Variants in TMTC1 observed in about 807,000 individuals in gnomAD.
The protein encoded by TMTC1 is protein O-mannosyl-transferase TMTC1.
TMTC1 carries 73 observed loss-of-function variants against 104.8 expected under a neutral mutation model. That is an observed-to-expected ratio of 0.70 (90% confidence interval 0.58 to 0.85). TMTC1 has a LOEUF of 0.85. TMTC1 is among the 40% of genes least tolerant of loss of function. The probability of loss-of-function intolerance (pLI) is 0.00; values close to 1 mark genes in which losing one functional copy is unlikely to be tolerated. For missense variants in TMTC1, 1,035 were observed against 1,096.1 expected, an observed-to-expected ratio of 0.94 and a Z score of 0.79; for synonymous variants, 434 against 428.7, an observed-to-expected ratio of 1.01 and a Z score of -0.15.
At chr12:29,626,031 A>T (rs7135441) in intron 6 of TMTC1, among the ~76,000 whole-genome samples, 35,541 of 152,230 alleles carry the variant, frequency 0.23, 5,071 homozygotes, top group Admixed American at 0.39. Context: ...ACAAGAAAAG[A>T]TTCTCTAGAC....
At chr12:29,590,308 CTGAT>C (rs1350754407) in intron 7 of TMTC1, among the ~76,000 whole-genome samples, 1 of 152,184 alleles carries the variant, frequency 6.6e-6, no homozygotes, top group African/African-American at 2.4e-5. Flanking sequence ...TCTTTTGAAA[CTGAT>C]TGTTATTGCC....
At chr12:29,767,338 A>G (rs901988288) in intron 2 of TMTC1, among the ~76,000 whole-genome samples, 1 of 152,216 alleles carries the variant, frequency 6.6e-6, no homozygotes, top group African/African-American at 2.4e-5. Flanking sequence ...TAAGGCTCCT[A>G]AGTCTGTCTT....
chr12:29,540,712 C>T (rs1944772132), intron 10 of TMTC1, among the ~76,000 whole-genome samples: 2 of 151,850 alleles, frequency 1.3e-5, no homozygotes. Context: ...TAGTTTTGGC[C>T]AGGCATCGTG....
chr12:29,764,083 T>C (rs1943410989), intron 2 of TMTC1, among the ~76,000 whole-genome samples: 2 of 152,228 alleles, frequency 1.3e-5, no homozygotes, highest in Non-Finnish European at 2.9e-5. Flanking sequence ...TATTTTAGCC[T>C]CAAACTACAG....
chr12:29,593,942 G>A (rs75980269), intron 7 of TMTC1, among the ~76,000 whole-genome samples: 7,167 of 152,218 alleles, frequency 0.047, 574 homozygotes, highest in African/African-American at 0.16. Flanking sequence ...GTGAGAAACT[G>A]ACATGGAAAC....
At chr12:29,756,764 A>T (rs1357698661) in intron 3 of TMTC1, among the ~76,000 whole-genome samples, 3 of 152,312 alleles carry the variant, frequency 2.0e-5, no homozygotes, top group Non-Finnish European at 4.4e-5. Context: ...ATGTTTCTGT[A>T]GTTGAGACAC....
At chr12:29,529,812 C>T (rs1455610902) in intron 11 of TMTC1, 4 of 152,154 alleles carry the variant, frequency 2.6e-5, no homozygotes, top group South Asian at 4.1e-4. Flanking sequence ...TGGCATTCTT[C>T]CCCACCAAGG....
At chr12:29,530,441 T>G (rs1454597127) in intron 11 of TMTC1, among the ~76,000 whole-genome samples, 2 of 152,196 alleles carry the variant, frequency 1.3e-5, no homozygotes, top group East Asian at 3.9e-4. Flanking sequence ...AACCATGGAC[T>G]GTGGACTGCT....
intron 7 of TMTC1, among the ~76,000 whole-genome samples, chr12:29,599,991 T>TAC (rs1946516797): frequency 1.0e-5 from 1 of 100,110 alleles, no homozygotes. Flanking sequence ...TGTGTGTATA[T>TAC]ACATATATAT....
intron 8 of TMTC1, among the ~76,000 whole-genome samples, chr12:29,580,703 C>A (rs748650481): frequency 6.6e-6 from 1 of 152,154 alleles, no homozygotes; most frequent in Non-Finnish European, 1.5e-5. Flanking sequence ...TGGGCCATTA[C>A]GGCTAATTTA....
intron 5 of TMTC1, among the ~76,000 whole-genome samples, chr12:29,735,979 G>A (rs1290028427): frequency 2.0e-5 from 3 of 152,190 alleles, no homozygotes; most frequent in African/African-American, 7.2e-5. Context: ...TGTAGGTTGA[G>A]GAGATTAAGA....
Position 29,503,665 on chromosome 12 carries a change from G to T in TMTC1, c.*3181C>A, listed in dbSNP as rs1172487708. ...TCATAAAATGAAACTCTGATCATTG[G>T]TTCAAATGTTCAGCCAGGCCAAAGC... On this transcript the variant is annotated 3_prime_UTR_variant, in exon 18 of 18. Transcript: ENST00000539277. 1 of 152,152 alleles carries T rather than the reference G, an allele frequency of 6.6e-6. No individual in the cohort carries two copies. The highest frequency in any genetic ancestry group is 2.4e-5 in the African/African-American group (1 of 41,438). The allele number at this position is 152,152 out of a possible 1,614,324, so 9.4% of individuals were successfully genotyped here.
At chr12:29,752,128 A>AAC (rs146261837) in intron 4 of TMTC1, among the ~76,000 whole-genome samples, 67,812 of 150,156 alleles carry the variant, frequency 0.45, 15,402 homozygotes, top group East Asian at 0.6. Flanking sequence ...GATGGCCACC[A>AAC]ACACACACAC....
At chr12:29,574,931 C>T (rs1381792385) in intron 8 of TMTC1, among the ~76,000 whole-genome samples, 2 of 152,212 alleles carry the variant, frequency 1.3e-5, no homozygotes, top group African/African-American at 2.4e-5. Context: ...TGTCCAAATA[C>T]CACTGAGTGG....
At chr12:29,630,324 G>A (rs1938231703) in intron 6 of TMTC1, among the ~76,000 whole-genome samples, 1 of 152,108 alleles carries the variant, frequency 6.6e-6, no homozygotes, top group Non-Finnish European at 1.5e-5. Flanking sequence ...AGGGACCTTG[G>A]GCAGCAGGAG....
intron 6 of TMTC1, 139 bp from the exon 7 acceptor site, chr12:29,604,438 C>T: frequency 8.6e-7 from 1 of 1,160,742 alleles, no homozygotes; most frequent in Non-Finnish European, 1.2e-6. Flanking sequence ...GACCGGCGTG[C>T]TGAATTTAAC....
At chr12:29,784,478 C>A (rs1235538228), upstream of TMTC1, 2 of 152,280 alleles carry the variant, frequency 1.3e-5, no homozygotes, top group African/African-American at 4.8e-5. Context: ...GGCGCGGCGT[C>A]CCGCTTGGCG....
At chr12:29,511,796 G>A (rs1170586441) in intron 17 of TMTC1, among the ~76,000 whole-genome samples, 1 of 152,058 alleles carries the variant, frequency 6.6e-6, no homozygotes, top group Non-Finnish European at 1.5e-5. Flanking sequence ...TTTCTTCATG[G>A]TTAGAAAAAT....
chr12:29,636,041 T>C (rs1938532373), intron 5 of TMTC1, among the ~76,000 whole-genome samples: 1 of 152,174 alleles, frequency 6.6e-6, no homozygotes, highest in Non-Finnish European at 1.5e-5. Context: ...ACTGTTAAAG[T>C]GTGATAATAG....
Sources: gnomAD v4.1 joint callset for allele counts (sites outside exome capture counted in the v4.1 genomes callset) on GRCh38, gnomAD v4.1.1 for gene constraint, MANE v1.5 for transcripts, NCBI Gene and HGNC (gene_info 2026-07-23, HGNC 2026-07-21) for gene names.